Variants in NDRG1 observed in about 807,000 individuals in gnomAD.
NDRG1 encodes N-myc downstream regulated 1.
NDRG1 carries 32 observed loss-of-function variants against 56.9 expected under a neutral mutation model. The observed-to-expected ratio is 0.56, with a 90% CI of 0.42 to 0.76. The LOEUF is 0.76. Ranked by LOEUF, NDRG1 falls within the 30% of genes least tolerant of loss-of-function variation. NDRG1 has a pLI of 0.00. For missense variants in NDRG1, 507 were observed against 545.7 expected, an observed-to-expected ratio of 0.93 and a Z score of 0.71; for synonymous variants, 211 against 204.1, an observed-to-expected ratio of 1.03 and a Z score of -0.29.
chr8:133,290,346 A>T (rs1224299299), intron 1 of NDRG1, among the ~76,000 whole-genome samples: 3 of 152,166 alleles, frequency 2.0e-5, no homozygotes, highest in African/African-American at 7.2e-5. Flanking sequence ...AGCACCAGGA[A>T]CAGTATCTGT....
chr8:133,255,439 G>A (rs1043810676), intron 8 of NDRG1: 1 of 456,098 alleles, frequency 2.2e-6, no homozygotes, highest in African/African-American at 2.0e-5. Context: ...AGCTATTAAA[G>A]CTGTACTGAA....
Position 133,237,269 on chromosome 8 carries a change from T to C in NDRG1, c.*1609A>G, listed in dbSNP as rs1855105011. 8.7e-6 allele frequency: 2 copies of C among 230,360 alleles called. No homozygotes were observed. Among genetic ancestry groups the C allele is most frequent in the East Asian group, 6.2e-5 (1 of 16,260 alleles). The allele number at this position is 230,360 out of a possible 1,614,324, so 14.3% of individuals were successfully genotyped here. ...CTTGTGCACAATAGTTTCCCATCCG[T>C]ACTCAGCCTCTCTTGCCCCGATCCC... On this transcript the variant is annotated 3_prime_UTR_variant, in exon 16 of 16. Coordinates refer to ENST00000323851, the MANE Select transcript of NDRG1 (RefSeq NM_006096.4).
rs989397526 is a variant in NDRG1 at position 133,237,267 on chromosome 8, C to T, written c.*1611G>A. 2.6e-5 allele frequency: 6 copies of T among 230,080 alleles called. No homozygotes were observed. The highest frequency in any genetic ancestry group is 1.3e-3 in the Middle Eastern group (1 of 794). 14.3% of individuals were successfully genotyped at this position (230,080 alleles called of 1,614,324 possible). ...GACTTGTGCACAATAGTTTCCCATC[C>T]GTACTCAGCCTCTCTTGCCCCGATC... On this transcript the variant is annotated 3_prime_UTR_variant, in exon 16 of 16. Transcript: ENST00000323851.
At chr8:133,287,033 C>T (rs1014775117) in intron 1 of NDRG1, among the ~76,000 whole-genome samples, 19 of 152,272 alleles carry the variant, frequency 1.2e-4, no homozygotes, top group African/African-American at 4.6e-4. Context: ...GGCTCCCTCA[C>T]CTCAGTTCTC....
rs774079961 is a variant in NDRG1 at position 133,258,445 on chromosome 8, A to G, written c.390-19T>C. On this transcript the variant is annotated intron_variant, in intron 6 of 15. Coordinates refer to ENST00000323851, the MANE Select transcript of NDRG1 (RefSeq NM_006096.4). Reference sequence around the variant, plus strand: ...TTTCAGCCTGGAAGCAAAAATACAAATGCATGTCACACAAGGACAGAGTGA... The same window carrying G: ...TTTCAGCCTGGAAGCAAAAATACAAGTGCATGTCACACAAGGACAGAGTGA... 3 of 1,603,912 alleles carry G rather than the reference A, an allele frequency of 1.9e-6. No homozygotes were observed. In the African/African-American group the frequency reaches 4.0e-5, roughly 21 times the overall value.
rs960886100 is a variant in NDRG1 at position 133,264,492 on chromosome 8, T to G, written c.205+55A>C. 2.6e-6 allele frequency: 4 copies of G among 1,550,568 alleles called. No individual in the cohort carries two copies. In the African/African-American group the frequency reaches 5.4e-5, roughly 21 times the overall value. ...CATCAGCCCTTCTCGGCTGCCTTTT[T>G]CCGCCACTCTCTTGGGAACCGGCTG... is the stretch of plus-strand genomic sequence containing the variant. On this transcript the variant is annotated intron_variant, in intron 4 of 15. Transcript: ENST00000323851.
chr8:133,283,224 T>A (rs891431029), intron 2 of NDRG1, among the ~76,000 whole-genome samples: 3 of 152,234 alleles, frequency 2.0e-5, no homozygotes, highest in Admixed American at 2.0e-4. Context: ...GGGACCTGCA[T>A]GAACCAAAGT....
intron 3 of NDRG1, among the ~76,000 whole-genome samples, chr8:133,273,219 C>T (rs1857283549): frequency 6.6e-6 from 1 of 151,694 alleles, no homozygotes; most frequent in Non-Finnish European, 1.5e-5. Context: ...ATCTGAATAA[C>T]TCAAGATCCA....
intron 8 of NDRG1, 164 bp from the exon 9 acceptor site, chr8:133,254,759 G>C (rs1856278740): frequency 2.8e-6 from 2 of 712,518 alleles, no homozygotes; most frequent in African/African-American, 3.5e-5. Flanking sequence ...CCTGTCTCCA[G>C]TTCCCTCCTG....
At chr8:133,273,298 C>T (rs1230480426) in intron 3 of NDRG1, among the ~76,000 whole-genome samples, 1 of 152,208 alleles carries the variant, frequency 6.6e-6, no homozygotes, top group Non-Finnish European at 1.5e-5. Context: ...GTCACTCGGC[C>T]CACGAGGTAC....
intron 2 of NDRG1, among the ~76,000 whole-genome samples, chr8:133,282,051 C>T (rs549369956): frequency 6.6e-6 from 1 of 152,116 alleles, no homozygotes; most frequent in Non-Finnish European, 1.5e-5. Flanking sequence ...AATTTATTTC[C>T]GTCTAAACCT....
At chr8:133,246,527 G>T in intron 13 of NDRG1, 89 bp downstream of exon 13, 5 of 1,302,950 alleles carry the variant, frequency 3.8e-6, no homozygotes, top group Non-Finnish European at 5.6e-6. Flanking sequence ...CGTGTGCCTT[G>T]CCTTTTTCAA....
chr8:133,283,326 A>C (rs1017841222), intron 2 of NDRG1, among the ~76,000 whole-genome samples: 5 of 152,270 alleles, frequency 3.3e-5, no homozygotes, highest in Admixed American at 2.0e-4. Context: ...CTTTAGACTA[A>C]CTTCACTTTT....
At chr8:133,285,007 C>T (rs1481122572) in intron 1 of NDRG1, 1 of 375,960 alleles carries the variant, frequency 2.7e-6, no homozygotes, top group South Asian at 2.0e-5. Context: ...AAAGCACTTC[C>T]TGGATCAAAG....
intron 14 of NDRG1, among the ~76,000 whole-genome samples, 171 bp downstream of exon 14, chr8:133,244,184 T>G (rs544192779): frequency 1.3e-5 from 2 of 152,204 alleles, no homozygotes; most frequent in South Asian, 4.1e-4. Context: ...TCCACAGGGG[T>G]TGGTTCCTAG....
At chr8:133,245,151 A>G (rs1455504486) in intron 13 of NDRG1, among the ~76,000 whole-genome samples, 3 of 152,224 alleles carry the variant, frequency 2.0e-5, no homozygotes, top group African/African-American at 7.2e-5. Context: ...ACCAGCACGC[A>G]GGGAGCAGGA....
At chr8:133,255,428 C>G (rs946765244) in intron 8 of NDRG1, 1 of 456,124 alleles carries the variant, frequency 2.2e-6, no homozygotes, top group African/African-American at 2.0e-5. Context: ...GGGAATAGTA[C>G]AGCTATTAAA....
intron 1 of NDRG1, among the ~76,000 whole-genome samples, chr8:133,290,402 G>A (rs1858366070): frequency 6.6e-6 from 1 of 152,136 alleles, no homozygotes. Flanking sequence ...AAGCCTCACA[G>A]AAACCCTAGG....
intron 5 of NDRG1, 136 bp from the exon 6 acceptor site, chr8:133,259,366 C>A (rs1856550058): frequency 2.5e-6 from 2 of 794,080 alleles, no homozygotes; most frequent in Admixed American, 3.9e-5. Context: ...CAAGTCTAGT[C>A]CCTTCGCATC....
Sources: gnomAD v4.1 joint callset for allele counts (sites outside exome capture counted in the v4.1 genomes callset) on GRCh38, gnomAD v4.1.1 for gene constraint, MANE v1.5 for transcripts, NCBI Gene and HGNC (gene_info 2026-07-23, HGNC 2026-07-21) for gene names.